PLEKHA5: variants seen among roughly 807,000 people sequenced by gnomAD.
PLEKHA5 encodes the protein pleckstrin homology domain-containing family A member 5.
PLEKHA5 carries 55 observed loss-of-function variants against 181.9 expected under a neutral mutation model. The ratio of observed to expected loss-of-function variants is 0.30; its 90% CI spans 0.24 to 0.38. The LOEUF is 0.38. PLEKHA5 is among the 10% of genes least tolerant of loss of function. The pLI is 1.00. For missense variants in PLEKHA5, 1,432 were observed against 1,549.5 expected (o/e 0.92, Z 1.27); for synonymous variants, 535 against 529.4 (o/e 1.01, Z -0.15).
intron 15 of PLEKHA5, chr12:19,307,121 A>G: frequency 1.1e-6 from 1 of 880,896 alleles, no homozygotes; most frequent in South Asian, 1.3e-5. Context: ...CCCAAGTTGA[A>G]GCATGTAGCT....
chr12:19,253,743 C>T (rs2066052310), intron 3 of PLEKHA5, among the ~76,000 whole-genome samples, 197 bp from the exon 4 acceptor site: 1 of 151,988 alleles, frequency 6.6e-6, no homozygotes, highest in Admixed American at 6.5e-5. Flanking sequence ...TTGCTTGAAC[C>T]CAGAAGGCAG....
At chr12:19,267,022 C>T (rs138052106) in intron 8 of PLEKHA5, among the ~76,000 whole-genome samples, 10 of 152,136 alleles carry the variant, frequency 6.6e-5, no homozygotes, top group Admixed American at 3.9e-4. Flanking sequence ...TAATAGTACC[C>T]ACCAATCTTT....
At chr12:19,181,335 T>C (rs1348596096) in intron 3 of PLEKHA5, among the ~76,000 whole-genome samples, 1 of 152,240 alleles carries the variant, frequency 6.6e-6, no homozygotes. Flanking sequence ...TTTAAAGTTT[T>C]TGAAATCTCT....
intron 3 of PLEKHA5, among the ~76,000 whole-genome samples, chr12:19,232,229 G>A (rs1045082417): frequency 6.6e-6 from 1 of 152,110 alleles, no homozygotes; most frequent in Non-Finnish European, 1.5e-5. Flanking sequence ...AAGTACCCAT[G>A]TCTCTAAATT....
In PLEKHA5 at chr12:19,253,063, C is replaced by CTTTTTTTTTTTTTTTTTTTTTT. The variant is rs1314175368; in HGVS notation, c.228-877_228-876insTTTTTTTTTTTTTTTTTTTTTT. ...AGAGCTAAACAGCCAAATCAACTTACCTTTTTTTTTTTTTTTTTTTTTTTT... is the reference window on the plus strand; with the variant it reads ...AGAGCTAAACAGCCAAATCAACTTACTTTTTTTTTTTTTTTTTTTTTTCTTTTTTTTTTTTTTTTTTTTTTTT... On this transcript the variant is annotated intron_variant, in intron 3 of 31. Coordinates refer to ENST00000429027, the MANE Select transcript of PLEKHA5 (RefSeq NM_001256470.2). Among the ~76,000 whole-genome samples, 3 of 51,992 alleles carry CTTTTTTTTTTTTTTTTTTTTTT rather than the reference C, an allele frequency of 5.8e-5. 1 individual carries two copies. The highest frequency in any genetic ancestry group is 1.7e-4 in the Non-Finnish European group (3 of 17,832). The allele number at this position is 51,992 out of a possible 152,430, so 34.1% of individuals were successfully genotyped here.
chr12:19,132,297 A>G, intron 2 of PLEKHA5, 96 bp from the exon 3 acceptor site: 1 of 718,320 alleles, frequency 1.4e-6, no homozygotes, highest in South Asian at 1.6e-5. Flanking sequence ...TACTTAATTA[A>G]AACAGCTAAT....
rs568681171 is a variant in PLEKHA5 at position 19,212,159 on chromosome 12, C to T, written c.228-41781C>T. ...ATTGGTGACTTTGGTAATTCAGTCA[C>T]ATCTGCTAAGTCTTTGTCACAGTTG... On this transcript the variant is annotated intron_variant, in intron 3 of 31. Transcript: ENST00000429027. Among the ~76,000 whole-genome samples, 17 of 152,278 alleles carry T rather than the reference C, an allele frequency of 1.1e-4. 1 individual carries two copies. The South Asian group carries it at 2.7e-3, about 24-fold the overall frequency.
At chr12:19,137,043 T>A (rs981598915) in intron 3 of PLEKHA5, among the ~76,000 whole-genome samples, 3 of 152,142 alleles carry the variant, frequency 2.0e-5, no homozygotes, top group Non-Finnish European at 4.4e-5. Flanking sequence ...TTTTATACTT[T>A]ACTTTTTTTT....
chr12:19,305,329 G>A (rs758641648), intron 15 of PLEKHA5, among the ~76,000 whole-genome samples: 44 of 151,112 alleles, frequency 2.9e-4, no homozygotes, highest in Non-Finnish European at 5.3e-4. Flanking sequence ...TTGGGAGGCC[G>A]AGGAGGGCAG....
At chr12:19,273,933 A>T (rs1222073101) in intron 10 of PLEKHA5, among the ~76,000 whole-genome samples, 2 of 152,244 alleles carry the variant, frequency 1.3e-5, no homozygotes, top group African/African-American at 4.8e-5. Flanking sequence ...ACTTTGCCTG[A>T]AGACTCAGCT....
chr12:19,162,285 A>G (rs981729966), intron 3 of PLEKHA5, among the ~76,000 whole-genome samples: 5 of 152,158 alleles, frequency 3.3e-5, no homozygotes, highest in Non-Finnish European at 7.4e-5. Context: ...CCTTCCCCCA[A>G]TGAAATATTC....
intron 3 of PLEKHA5, among the ~76,000 whole-genome samples, chr12:19,235,007 T>A (rs1472562889): frequency 6.6e-6 from 1 of 152,204 alleles, no homozygotes; most frequent in East Asian, 1.9e-4. Flanking sequence ...CTTTTTCATG[T>A]TTCTGAGAAT....
chr12:19,171,844 A>C (rs923023941), intron 3 of PLEKHA5, among the ~76,000 whole-genome samples: 1 of 152,206 alleles, frequency 6.6e-6, no homozygotes, highest in African/African-American at 2.4e-5. Flanking sequence ...GAACTAAGGC[A>C]CAAACACACA....
intron 3 of PLEKHA5, among the ~76,000 whole-genome samples, chr12:19,217,702 A>G (rs2058217425): frequency 1.3e-5 from 2 of 152,198 alleles, no homozygotes; most frequent in African/African-American, 4.8e-5. Context: ...CATCAACAGT[A>G]TGAGAAAGAA....
At chr12:19,321,355 CTTTTCTTTTT>C (rs778384279) in intron 18 of PLEKHA5, among the ~76,000 whole-genome samples, 4,454 of 69,292 alleles carry the variant, frequency 0.064, 66 homozygotes, top group East Asian at 0.2. Flanking sequence ...CTTTTCTTTT[CTTTTCTTTTT>C]TTTTTTTTTT....
At chr12:19,291,516 A>G (rs2078444333) in intron 14 of PLEKHA5, 128 bp from the exon 15 acceptor site, 2 of 538,912 alleles carry the variant, frequency 3.7e-6, no homozygotes, top group Admixed American at 7.2e-5. Flanking sequence ...CATGTGCGTG[A>G]AAGTTGTCGT....
At chr12:19,361,446 G>C (rs1333694225) in intron 28 of PLEKHA5, 136 bp from the exon 29 acceptor site, 5 of 567,770 alleles carry the variant, frequency 8.8e-6, no homozygotes, top group Admixed American at 6.9e-5. Flanking sequence ...GCCTCCCAAA[G>C]TGCTGGGATT....
intron 30 of PLEKHA5, among the ~76,000 whole-genome samples, chr12:19,368,991 G>C (rs1211861546): frequency 6.7e-6 from 1 of 148,634 alleles, no homozygotes; most frequent in Non-Finnish European, 1.5e-5. Context: ...CCTCAAAGCA[G>C]AAAAAAAAAA....
chr12:19,216,893 C>T (rs112700406), intron 3 of PLEKHA5, among the ~76,000 whole-genome samples: 2 of 152,268 alleles, frequency 1.3e-5, no homozygotes, highest in African/African-American at 4.8e-5. Flanking sequence ...ACCTGGGATG[C>T]TTCTAATCCT....
Sources: allele counts gnomAD v4.1 joint callset (sites outside exome capture counted in the v4.1 genomes callset), GRCh38; gene constraint gnomAD v4.1.1; transcripts MANE v1.5; gene names NCBI Gene and HGNC (gene_info 2026-07-23, HGNC 2026-07-21).